Variants in PTN observed in about 807,000 individuals in gnomAD.
PTN encodes the protein heparin affin regulatory protein.
Under a neutral mutation model 24.1 loss-of-function variants are expected in PTN, and 18 were observed. The observed-to-expected ratio is 0.75, with a 90% CI of 0.52 to 1.11. The LOEUF is 1.11. PTN is among the 50% of genes least tolerant of loss of function. The probability of loss-of-function intolerance (pLI) is 0.00; values close to 1 mark genes in which losing one functional copy is unlikely to be tolerated. For missense variants in PTN, 163 were observed against 198.8 expected (o/e 0.82, Z 1.08); for synonymous variants, 78 against 68.6 (o/e 1.14, Z -0.67).
intron 4 of PTN, 150 bp downstream of exon 4, chr7:137,251,080 A>C (rs541770597): frequency 1.1e-6 from 1 of 898,316 alleles, no homozygotes; most frequent in Admixed American, 2.6e-5. Flanking sequence ...GTATTTTTAA[A>C]GTATTTTTGT....
chr7:137,236,083 C>A, intron 4 of PTN: 1 of 678,246 alleles, frequency 1.5e-6, no homozygotes, highest in Non-Finnish European at 2.7e-6. Context: ...ACTTCATCAA[C>A]CATGCAGAAC....
intron 1 of PTN, among the ~76,000 whole-genome samples, chr7:137,283,053 G>T (rs377131936): frequency 1.3e-4 from 20 of 152,096 alleles, no homozygotes; most frequent in South Asian, 1.0e-3. Flanking sequence ...GAGCCTGAAG[G>T]CTACCCCCTC....
At chr7:137,342,106 T>C (rs761570145) in intron 1 of PTN, among the ~76,000 whole-genome samples, 13 of 152,212 alleles carry the variant, frequency 8.5e-5, no homozygotes, top group Non-Finnish European at 1.8e-4. Context: ...TTTGTTTCAT[T>C]GTCATTAACT....
intron 1 of PTN, among the ~76,000 whole-genome samples, chr7:137,315,268 T>A (rs1483354835): frequency 6.6e-6 from 1 of 152,102 alleles, no homozygotes; most frequent in Non-Finnish European, 1.5e-5. Context: ...ATGGCTGCTG[T>A]CCTTGACCAT....
At chr7:137,295,713 T>C (rs1809708685) in intron 1 of PTN, among the ~76,000 whole-genome samples, 1 of 152,094 alleles carries the variant, frequency 6.6e-6, no homozygotes. Flanking sequence ...TTTCACGTGG[T>C]TTTAAAAAAG....
intron 3 of PTN, among the ~76,000 whole-genome samples, chr7:137,252,198 C>T (rs1202702637): frequency 6.6e-6 from 1 of 151,892 alleles, no homozygotes; most frequent in African/African-American, 2.4e-5. Context: ...AGCATTTCGT[C>T]TTGTCACTAT....
intron 1 of PTN, among the ~76,000 whole-genome samples, chr7:137,260,513 ATTTAT>A (rs1055434258): frequency 4.8e-5 from 7 of 145,968 alleles, no homozygotes; most frequent in Admixed American, 6.8e-5. Context: ...TCTAATTTTA[ATTTAT>A]TTTATTTTAT....
chr7:137,332,638 G>C (rs1037396972), intron 1 of PTN, among the ~76,000 whole-genome samples: 1 of 152,116 alleles, frequency 6.6e-6, no homozygotes, highest in Non-Finnish European at 1.5e-5. Context: ...GCAGCTTCTG[G>C]CTGGCTCATT....
At chr7:137,309,083 G>A (rs766241987) in intron 1 of PTN, among the ~76,000 whole-genome samples, 1 of 152,090 alleles carries the variant, frequency 6.6e-6, no homozygotes, top group African/African-American at 2.4e-5. Flanking sequence ...TGGAATGGCC[G>A]AGGAAACTGA....
At chr7:137,280,028 G>A (rs956788220) in intron 1 of PTN, among the ~76,000 whole-genome samples, 1 of 152,156 alleles carries the variant, frequency 6.6e-6, no homozygotes, top group Non-Finnish European at 1.5e-5. Flanking sequence ...CCAGATTTCT[G>A]ATCCTCAATC....
At chr7:137,233,370 G>C (rs1360007253) in intron 4 of PTN, among the ~76,000 whole-genome samples, 2 of 151,902 alleles carry the variant, frequency 1.3e-5, no homozygotes, top group Admixed American at 1.3e-4. Context: ...CCTCCTCAGA[G>C]GGCCAGTGTT....
chr7:137,343,562 G>C lies in PTN; in HGVS notation c.-125C>G, dbSNP rs368745409. The C allele has an allele frequency of 1.9e-6, 1 of 518,824 alleles. No individual in the cohort carries two copies. Among genetic ancestry groups the C allele is most frequent in the Non-Finnish European group, 3.8e-6 (1 of 259,872 alleles). 32.1% of individuals were successfully genotyped at this position (518,824 alleles called of 1,614,324 possible). ...TGCTTGGGCCGCTGCTGCTCTCCCC[G>C]CCTTCTGGACGGATGACTCACTGGT... On this transcript the variant is annotated 5_prime_UTR_variant, in exon 1 of 5. Coordinates refer to ENST00000348225, the MANE Select transcript of PTN (RefSeq NM_002825.7).
chr7:137,332,534 T>G (rs1322166116), intron 1 of PTN, among the ~76,000 whole-genome samples: 1 of 152,026 alleles, frequency 6.6e-6, no homozygotes, highest in Admixed American at 6.6e-5. Context: ...TAAGAAAAAA[T>G]AATGGGAAGA....
intron 4 of PTN, among the ~76,000 whole-genome samples, chr7:137,239,360 G>A (rs1808579521): frequency 6.7e-6 from 1 of 148,250 alleles, no homozygotes; most frequent in Non-Finnish European, 1.5e-5. Flanking sequence ...GGGACTATAA[G>A]ATGTAATTTT....
chr7:137,253,377 A>G, intron 3 of PTN, 87 bp downstream of exon 3: 1 of 1,346,726 alleles, frequency 7.4e-7, no homozygotes, highest in Non-Finnish European at 1.0e-6. Context: ...TTTAAAATAA[A>G]AAGTACTTAT....
intron 1 of PTN, among the ~76,000 whole-genome samples, chr7:137,315,035 C>T (rs925598053): frequency 6.6e-6 from 1 of 152,140 alleles, no homozygotes. Flanking sequence ...GATCCTGACA[C>T]ACAGAAATTG....
At chr7:137,280,744 T>C (rs1244515285) in intron 1 of PTN, among the ~76,000 whole-genome samples, 3 of 110,366 alleles carry the variant, frequency 2.7e-5, no homozygotes, top group Non-Finnish European at 5.4e-5. Flanking sequence ...TGGTGGCACG[T>C]GCCTGTAATC....
At chr7:137,267,777 A>G (rs778696832) in intron 1 of PTN, among the ~76,000 whole-genome samples, 10 of 152,188 alleles carry the variant, frequency 6.6e-5, no homozygotes, top group Non-Finnish European at 1.5e-4. Flanking sequence ...ACACCAAACC[A>G]GAATCAAAAC....
At chr7:137,275,024 G>A (rs914031457) in intron 1 of PTN, among the ~76,000 whole-genome samples, 12 of 152,194 alleles carry the variant, frequency 7.9e-5, no homozygotes, top group African/African-American at 2.9e-4. Flanking sequence ...TGTTTGAAGA[G>A]TACAGTGAGA....
Sources: allele counts gnomAD v4.1 joint callset (sites outside exome capture counted in the v4.1 genomes callset), GRCh38; gene constraint gnomAD v4.1.1; transcripts MANE v1.5; gene names NCBI Gene and HGNC (gene_info 2026-07-23, HGNC 2026-07-21).